The following ATP11B variants were observed in gnomAD, a reference collection of about 807,000 sequenced individuals.
ATP11B encodes the protein phospholipid-transporting ATPase IF.
Under a neutral mutation model 157.8 loss-of-function variants are expected in ATP11B, and 81 were observed. That is an observed-to-expected ratio of 0.51 (90% CI 0.43 to 0.62). ATP11B has a LOEUF of 0.62. Ranked by LOEUF, ATP11B falls within the 20% of genes least tolerant of loss-of-function variation. The probability of loss-of-function intolerance (pLI) is 0.00; values close to 1 mark genes in which losing one functional copy is unlikely to be tolerated. For synonymous variants in ATP11B, 451 were observed against 469.4 expected, an observed-to-expected ratio of 0.96 and a Z score of 0.51; for missense variants, 1,165 against 1,402.2, an observed-to-expected ratio of 0.83 and a Z score of 2.70.
chr3:182,903,906 A>T (rs1425160392), intron 28 of ATP11B, among the ~76,000 whole-genome samples: 1 of 152,254 alleles, frequency 6.6e-6, no homozygotes, highest in Non-Finnish European at 1.5e-5. Context: ...ATTTTCATAT[A>T]TCATACTGGC....
chr3:182,803,506 T>A (rs1716138504), intron 1 of ATP11B, among the ~76,000 whole-genome samples: 1 of 152,252 alleles, frequency 6.6e-6, no homozygotes, highest in Non-Finnish European at 1.5e-5. Flanking sequence ...TAAATTTATT[T>A]GTAGGTAAAT....
Position 182,859,220 on chromosome 3 carries a change from C to T in ATP11B, c.1061C>T (p.Pro354Leu). 6.2e-7 allele frequency: 1 copy of T among 1,612,444 alleles called. No individual in the cohort carries two copies. The highest frequency in any genetic ancestry group is 1.3e-5 in the African/African-American group (1 of 74,958). Residue 354 changes from proline to leucine, a missense_variant, in exon 12 of 30, where the codon CCA (proline) becomes CTA (leucine). Physicochemically the swap from Pro to Leu is moderately conservative, Grantham distance 98. Around this residue, in one of 4 missense-constraint regions of ATP11B, gnomAD observed 737 missense variants for 930.5 expected, o/e 0.79. Coordinates refer to ENST00000323116, the MANE Select transcript of ATP11B (RefSeq NM_014616.3). Reference sequence around the variant, plus strand: ...TTGGTTCTCTACAATTTCATCATTCCAATTTCATTATATGTGACAGTCGAA... The same window carrying T: ...TTGGTTCTCTACAATTTCATCATTCTAATTTCATTATATGTGACAGTCGAA... ...AFLVLYNFII[P>L]ISLYVTVEMQ...
In ATP11B at chr3:182,915,172, TGTTA is replaced by T. The variant is rs774393983; in HGVS notation, c.3452+1182_3452+1185del. 331 of 985,420 alleles carry T rather than the reference TGTTA, an allele frequency of 3.4e-4. 1 individual carries two copies. Among genetic ancestry groups the T allele is most frequent in the South Asian group, 1.6e-3 (35 of 21,286 alleles). The allele number at this position is 985,420 out of a possible 1,614,324, so 61.0% of individuals were successfully genotyped here. A position where few individuals can be genotyped will look rare whatever the true frequency, so the allele number is the denominator to read the frequency against. ...TTCAGGTAACTTTTACTGGTGAACTTGTTAGTTCTCACTTTAGCTTTAGCTTAGC... is the reference window on the plus strand; with the variant it reads ...TTCAGGTAACTTTTACTGGTGAACTTGTTCTCACTTTAGCTTTAGCTTAGC... On this transcript the variant is annotated intron_variant, in intron 29 of 29. Transcript: ENST00000323116.
intron 8 of ATP11B, among the ~76,000 whole-genome samples, chr3:182,842,424 C>T (rs1719121775): frequency 6.6e-6 from 1 of 152,132 alleles, no homozygotes; most frequent in African/African-American, 2.4e-5. Flanking sequence ...AAGAGATGCT[C>T]AGGGCCAGAT....
At chr3:182,875,415 T>TTTTTGTTGTTGTTG (rs901269445) in intron 19 of ATP11B, among the ~76,000 whole-genome samples, 1 of 149,778 alleles carries the variant, frequency 6.7e-6, no homozygotes, top group African/African-American at 2.5e-5. Context: ...TGCAGGGGAT[T>TTTTTGTTGTTGTTG]TTTTGTTGTT....
chr3:182,847,294 C>T (rs373284585), intron 9 of ATP11B, among the ~76,000 whole-genome samples: 2 of 152,298 alleles, frequency 1.3e-5, no homozygotes, highest in East Asian at 3.9e-4. Context: ...CTGCCTTGGC[C>T]TCCCAAAGTG....
At chr3:182,846,517 T>C (rs1719544232) in intron 9 of ATP11B, among the ~76,000 whole-genome samples, 1 of 152,212 alleles carries the variant, frequency 6.6e-6, no homozygotes. Context: ...CGAAAACTTC[T>C]ACAAGAATGT....
intron 21 of ATP11B, among the ~76,000 whole-genome samples, chr3:182,882,904 T>C (rs1301944963): frequency 1.3e-5 from 2 of 152,092 alleles, no homozygotes; most frequent in Non-Finnish European, 1.5e-5. Flanking sequence ...AGGAGAAATC[T>C]AAAAAGAATA....
chr3:182,802,135 G>A (rs1045109037), intron 1 of ATP11B, among the ~76,000 whole-genome samples: 5 of 152,112 alleles, frequency 3.3e-5, no homozygotes, highest in African/African-American at 7.2e-5. Flanking sequence ...GGAGCAAATC[G>A]TATCTCCCTT....
chr3:182,832,258 T>G (rs890530126), intron 4 of ATP11B, among the ~76,000 whole-genome samples: 7 of 152,190 alleles, frequency 4.6e-5, no homozygotes, highest in Admixed American at 4.6e-4. Context: ...AGTATGATTA[T>G]TAAATATGAG....
rs778994706 is a variant in ATP11B, at chr3:182,884,736, T to G, written c.2510-17T>G. Reference sequence around the variant, plus strand: ...TACAGTTATCAGTGAACATGTCTTTTGTCCCTTTTATTATAGGAATCATGG... The same window carrying G: ...TACAGTTATCAGTGAACATGTCTTTGGTCCCTTTTATTATAGGAATCATGG... On this transcript the variant is annotated splice_polypyrimidine_tract_variant and intron_variant, in intron 21 of 29. Coordinates refer to ENST00000323116, the MANE Select transcript of ATP11B (RefSeq NM_014616.3). 1 of 1,582,684 alleles carries G rather than the reference T, an allele frequency of 6.3e-7. No individual in the cohort carries two copies.
At chr3:182,796,796 T>G (rs2108477924) in intron 1 of ATP11B, among the ~76,000 whole-genome samples, 1 of 152,356 alleles carries the variant, frequency 6.6e-6, no homozygotes, top group East Asian at 1.9e-4. Context: ...TAGTGTTGTT[T>G]CTGTGTTTAG....
intron 29 of ATP11B, chr3:182,914,417 CT>C: frequency 1.0e-6 from 1 of 985,314 alleles, no homozygotes; most frequent in Non-Finnish European, 1.2e-6. Context: ...AAAGGCTTTC[CT>C]TTTCTTACTC....
intron 4 of ATP11B, among the ~76,000 whole-genome samples, chr3:182,834,141 TAAAGA>T (rs1042919268): frequency 6.6e-6 from 1 of 152,170 alleles, no homozygotes; most frequent in Non-Finnish European, 1.5e-5. Flanking sequence ...CATCTGACTG[TAAAGA>T]AAAGTGTGCT....
At chr3:182,913,504 AAAG>A (rs1724937576) in intron 28 of ATP11B, among the ~76,000 whole-genome samples, 1 of 152,244 alleles carries the variant, frequency 6.6e-6, no homozygotes, top group African/African-American at 2.4e-5. Context: ...CATTTCACCT[AAAG>A]AAAAACTCCA....
intron 2 of ATP11B, among the ~76,000 whole-genome samples, chr3:182,824,172 C>G (rs1172023828): frequency 2.6e-5 from 4 of 152,064 alleles, no homozygotes; most frequent in Admixed American, 6.6e-5. Context: ...GTAATTCATT[C>G]CTTTCTAGTG....
rs1184550736 is a variant in ATP11B, at chr3:182,885,953, T to C, written c.2658T>C (p.Asn886=). 12 of 1,501,754 alleles carry C rather than the reference T, an allele frequency of 8.0e-6. No homozygotes were observed. The highest frequency in any genetic ancestry group is 1.1e-5 in the Non-Finnish European group (12 of 1,131,816). The allele number at this position is 1,501,754 out of a possible 1,614,324, so 93.0% of individuals were successfully genotyped here. Residue 886 remains asparagine, a splice_region_variant and synonymous_variant, in exon 23 of 30, where the codon AAT becomes AAC. Transcript: ENST00000323116. The part of the protein sequence containing the change: ...ATLVQYFFYK[N]VCFITPQFLY... ...TTCCATTTAATCTTGTTTTTCAGAATGTGTGCTTTATCACACCCCAGTTTT... is the reference window on the plus strand; with the variant it reads ...TTCCATTTAATCTTGTTTTTCAGAACGTGTGCTTTATCACACCCCAGTTTT...
Position 182,866,957 on chromosome 3 carries a change from A to G in ATP11B, c.1620-419A>G, listed in dbSNP as rs377243113. On this transcript the variant is annotated intron_variant, in intron 14 of 29. Coordinates refer to ENST00000323116, the MANE Select transcript of ATP11B (RefSeq NM_014616.3). ...TTTTTTTTTCTTTTTTTGAGATGGA[A>G]TCTCACTCTGTCACCCAGGCTGGAG... Among the ~76,000 whole-genome samples, 6 of 150,586 alleles carry G rather than the reference A, an allele frequency of 4.0e-5. No homozygotes were observed. The South Asian group carries it at 1.0e-3, about 26-fold the overall frequency.
At chr3:182,826,003 A>G (rs1439129646) in intron 2 of ATP11B, among the ~76,000 whole-genome samples, 2 of 152,262 alleles carry the variant, frequency 1.3e-5, no homozygotes, top group Non-Finnish European at 1.5e-5. Flanking sequence ...ATATATGACT[A>G]TAGAGAAGTT....
Sources: gnomAD v4.1 joint callset for allele counts (sites outside exome capture counted in the v4.1 genomes callset) on GRCh38, gnomAD v4.1.1 for gene constraint, gnomAD v4.1.1 regional missense constraint, MANE v1.5 for transcripts, NCBI Gene and HGNC (gene_info 2026-07-23, HGNC 2026-07-21) for gene names.